The following NAV2 variants were observed in gnomAD, a reference collection of about 807,000 sequenced individuals.
The protein encoded by NAV2 is helicase, APC down-regulated 1.
Under a neutral mutation model 223.2 loss-of-function variants are expected in NAV2, and 54 were observed. That is an observed-to-expected ratio of 0.24 (90% CI 0.19 to 0.30). The LOEUF (loss-of-function observed/expected upper bound fraction) is 0.30. NAV2 is among the 10% of genes least tolerant of loss of function. The probability of loss-of-function intolerance (pLI) is 1.00; values close to 1 mark genes in which losing one functional copy is unlikely to be tolerated. For missense variants in NAV2, 2,806 were observed against 3,147.5 expected (o/e 0.89, Z 2.60); for synonymous variants, 1,279 against 1,239.3 (o/e 1.03, Z -0.67).
upstream of NAV2, among the ~76,000 whole-genome samples, chr11:19,349,224 C>T (rs760832912): frequency 4.6e-5 from 7 of 152,166 alleles, no homozygotes; most frequent in South Asian, 2.1e-4. Context: ...CTGTTCTGGC[C>T]GAGTGTTTCA....
rs1170110813 is a variant in NAV2 at position 19,949,019 on chromosome 11, G to C, written c.2584G>C (p.Gly862Arg). 1 of 1,613,686 alleles carries C rather than the reference G, an allele frequency of 6.2e-7. No homozygotes were observed. Among genetic ancestry groups the C allele is most frequent in the African/African-American group, 1.3e-5 (1 of 74,894 alleles). Reference sequence around the variant, plus strand: ...GGAAGGCATCAGCATGGATGCCCCCGGCTACATGAGCGACGGGGATGTTCT... The same window carrying C: ...GGAAGGCATCAGCATGGATGCCCCCCGCTACATGAGCGACGGGGATGTTCT... ...DLEGISMDAP[G>R]YMSDGDVLSK... is the part of the protein sequence containing the mutation. The change falls in exon 10 of 38, where the codon GGC (glycine) becomes CGC (arginine). Residue 862 changes from glycine to arginine, a missense_variant. Gly to Arg is a moderately radical substitution (Grantham distance 125). Coordinates refer to ENST00000349880, the MANE Select transcript of NAV2 (RefSeq NM_145117.5).
chr11:19,505,860 C>T (rs1209257446), intron 1 of NAV2: 1 of 152,158 alleles, frequency 6.6e-6, no homozygotes, highest in African/African-American at 2.4e-5. Context: ...GATGCAAATC[C>T]ATGGCAGCAA....
intron 1 of NAV2, among the ~76,000 whole-genome samples, chr11:19,564,924 C>T: frequency 6.6e-6 from 1 of 152,180 alleles, no homozygotes; most frequent in South Asian, 2.1e-4. Flanking sequence ...CACCTGAGGT[C>T]AGGAGTTCAA....
chr11:19,843,493 C>G (rs1489428137), intron 3 of NAV2, among the ~76,000 whole-genome samples: 1 of 152,146 alleles, frequency 6.6e-6, no homozygotes, highest in Non-Finnish European at 1.5e-5. Context: ...ATACATAACC[C>G]CCAAAACTAA....
intron 1 of NAV2, among the ~76,000 whole-genome samples, chr11:19,363,758 A>C (rs1286090839): frequency 6.6e-6 from 1 of 152,228 alleles, no homozygotes; most frequent in South Asian, 2.1e-4. Flanking sequence ...TCTCACTGAA[A>C]GTTCCCAAGA....
At chr11:19,879,430 A>G (rs2063057872) in intron 4 of NAV2, among the ~76,000 whole-genome samples, 1 of 152,050 alleles carries the variant, frequency 6.6e-6, no homozygotes, top group Non-Finnish European at 1.5e-5. Flanking sequence ...CAGAGCGCAG[A>G]TCATGGAGTG....
chr11:19,977,798 CTTTTTTTT>C (rs1221334182), intron 10 of NAV2, among the ~76,000 whole-genome samples: 1 of 90,808 alleles, frequency 1.1e-5, no homozygotes, highest in Non-Finnish European at 2.2e-5. Context: ...CAACTTTTTT[CTTTTTTTT>C]TTTTTTTTTT....
At chr11:19,551,855 T>G (rs1358104788) in intron 1 of NAV2, among the ~76,000 whole-genome samples, 3 of 152,146 alleles carry the variant, frequency 2.0e-5, no homozygotes, top group African/African-American at 4.8e-5. Context: ...CTTTCTTTCC[T>G]CTTTACTCTG....
intron 1 of NAV2, among the ~76,000 whole-genome samples, chr11:19,379,370 G>C (rs1395258531): frequency 6.6e-6 from 1 of 152,222 alleles, no homozygotes; most frequent in Non-Finnish European, 1.5e-5. Flanking sequence ...TTGGGAGCAA[G>C]GGGGTGGTTG....
At chr11:19,771,982 A>C (rs1325196997) in intron 1 of NAV2, among the ~76,000 whole-genome samples, 1 of 152,030 alleles carries the variant, frequency 6.6e-6, no homozygotes, top group African/African-American at 2.4e-5. Context: ...TGGAGGGGAG[A>C]CGGCACCTCT....
chr11:19,520,841 G>C (rs1033946572), intron 1 of NAV2, among the ~76,000 whole-genome samples: 1 of 152,208 alleles, frequency 6.6e-6, no homozygotes, highest in Admixed American at 6.5e-5. Context: ...CAGGAGGCAG[G>C]GGCGTGGGCC....
intron 1 of NAV2, among the ~76,000 whole-genome samples, chr11:19,695,159 A>G (rs1386711374): frequency 1.3e-5 from 2 of 152,184 alleles, no homozygotes; most frequent in Non-Finnish European, 2.9e-5. Flanking sequence ...GGCCAGGTGC[A>G]GTCAGTTACC....
intron 16 of NAV2, 21 bp downstream of exon 16, chr11:20,049,922 G>T (rs1234182412): frequency 6.2e-7 from 1 of 1,612,854 alleles, no homozygotes; most frequent in South Asian, 1.1e-5. Context: ...TGCAGGCCGG[G>T]GACCAACCGA....
chr11:19,645,616 C>T lies in NAV2; in HGVS notation c.76-186868C>T, dbSNP rs995583113. Among the ~76,000 whole-genome samples, 7 of 152,176 alleles carry T rather than the reference C, an allele frequency of 4.6e-5. No individual in the cohort carries two copies. The East Asian group carries it at 9.7e-4, about 21-fold the overall frequency. ...TAGAGTTAGGAAAGGGATATCAACA[C>T]GCTGAAAAGGGATGAGAAGAAATGG... On this transcript the variant is annotated intron_variant, in intron 1 of 37. Coordinates refer to the NAV2 transcript ENST00000360655.
At chr11:19,759,266 G>A (rs752287747) in intron 1 of NAV2, among the ~76,000 whole-genome samples, 1 of 151,970 alleles carries the variant, frequency 6.6e-6, no homozygotes, top group East Asian at 1.9e-4. Context: ...TGTATTTTTA[G>A]TAGAGACGGG....
intron 1 of NAV2, among the ~76,000 whole-genome samples, chr11:19,783,790 A>C (rs1439042307): frequency 2.0e-5 from 3 of 152,218 alleles, no homozygotes; most frequent in Admixed American, 1.3e-4. Context: ...TTAGTAAGAT[A>C]CAGGTATTCA....
chr11:19,734,088 G>C (rs778209961), intron 1 of NAV2, among the ~76,000 whole-genome samples: 2 of 152,106 alleles, frequency 1.3e-5, no homozygotes, highest in African/African-American at 2.4e-5. Flanking sequence ...GCAGATGTAA[G>C]AGCCATTGAA....
intron 1 of NAV2, among the ~76,000 whole-genome samples, chr11:19,678,528 C>T (rs986636497): frequency 3.3e-5 from 5 of 152,150 alleles, no homozygotes; most frequent in East Asian, 1.9e-4. Flanking sequence ...GCCTGTTGTG[C>T]GCAAGTCACA....
At chr11:19,867,143 G>A (rs901563716) in intron 3 of NAV2, among the ~76,000 whole-genome samples, 4 of 152,156 alleles carry the variant, frequency 2.6e-5, no homozygotes, top group Non-Finnish European at 5.9e-5. Context: ...TGGTGAGGTG[G>A]CATTTAGAGA....
Sources: gnomAD v4.1 joint callset for allele counts (sites outside exome capture counted in the v4.1 genomes callset) on GRCh38, gnomAD v4.1.1 for gene constraint, MANE v1.5 for transcripts, NCBI Gene and HGNC (gene_info 2026-07-23, HGNC 2026-07-21) for gene names.